Variants in NAA40 observed in about 807,000 individuals in gnomAD.
The protein encoded by NAA40 is N-alpha-acetyltransferase 40, NatD catalytic subunit, also known as N-alpha-acetyltransferase 40.
A neutral mutation model predicts 36.6 loss-of-function variants in NAA40; 26 were observed. The observed-to-expected ratio is 0.71, with a 90% CI of 0.52 to 0.98. The LOEUF (loss-of-function observed/expected upper bound fraction) is 0.98, where lower values mean the gene tolerates loss of function less well. Among genes scored for constraint, NAA40 ranks in the 50% least tolerant of loss-of-function variants. The pLI is 0.00. For synonymous variants in NAA40, 129 were observed against 108.4 expected (o/e 1.19, Z -1.18); for missense variants, 237 against 306.5 (o/e 0.77, Z 1.69).
intron 1 of NAA40, among the ~76,000 whole-genome samples, chr11:63,940,978 G>A (rs1808164897): frequency 6.6e-6 from 1 of 152,204 alleles, no homozygotes; most frequent in African/African-American, 2.4e-5. Flanking sequence ...CAGAAAACAA[G>A]AAGTGTAACA....
rs527295072 is a variant in NAA40 at position 63,946,904 on chromosome 11, C to T, written c.103-47C>T. ...ACAGCTCTTGGGATAGGATCTGCAC[C>T]TCCGCCCCACTTGTCTGTGCTGTTC... On this transcript the variant is annotated intron_variant, in intron 2 of 7. Transcript: ENST00000377793. 2.0e-5 allele frequency: 32 copies of T among 1,611,062 alleles called. No homozygotes were observed. The Admixed American group carries it at 3.7e-4, about 18-fold the overall frequency.
chr11:63,952,188 C>T, intron 3 of NAA40, 50 bp from the exon 4 acceptor site: 1 of 1,401,356 alleles, frequency 7.1e-7, no homozygotes, highest in South Asian at 1.3e-5. Flanking sequence ...CAGCAGTGCC[C>T]TGGCAGGAGT....
In NAA40 at chr11:63,952,424, G is replaced by T. The variant is rs1198457196; in HGVS notation, c.269G>T (p.Trp90Leu). 6.2e-7 allele frequency: 1 copy of T among 1,614,092 alleles called. No individual in the cohort carries two copies. The highest frequency in any genetic ancestry group is 1.7e-5 in the Admixed American group (1 of 60,008). ...NMQTMYEQSE[W>L]GWKDREKREE... ...TTCCCCAGGTATGAGCAGAGCGAGT[G>T]GGGCTGGAAGGACCGAGAGAAACGG... Residue 90 changes from tryptophan (W) to leucine (L), a missense_variant, in exon 5 of 8, where the codon TGG (tryptophan) becomes TTG (leucine). Transcript: ENST00000377793.
chr11:63,946,426 A>T, intron 2 of NAA40: 3 of 659,382 alleles, frequency 4.5e-6, no homozygotes, highest in Non-Finnish European at 6.0e-6. Flanking sequence ...GATGGTCTTG[A>T]ACTCCTGAGC....
intron 1 of NAA40, among the ~76,000 whole-genome samples, chr11:63,942,151 C>T (rs776105330): frequency 6.6e-6 from 1 of 152,106 alleles, no homozygotes; most frequent in Non-Finnish European, 1.5e-5. Flanking sequence ...CGGATCTACC[C>T]TCACCTCATG....
At chr11:63,941,361 G>T (rs1454522960) in intron 1 of NAA40, among the ~76,000 whole-genome samples, 1 of 152,166 alleles carries the variant, frequency 6.6e-6, no homozygotes, top group African/African-American at 2.4e-5. Flanking sequence ...TGCCACACAC[G>T]TGTCCTAGTT....
At chr11:63,943,563 C>T (rs1004635555) in intron 1 of NAA40, among the ~76,000 whole-genome samples, 1 of 152,196 alleles carries the variant, frequency 6.6e-6, no homozygotes, top group Admixed American at 6.5e-5. Flanking sequence ...AGTCTCCCCT[C>T]TGCCCTTTAT....
chr11:63,952,119 G>T (rs1311835689), intron 3 of NAA40, 119 bp from the exon 4 acceptor site: 4 of 732,866 alleles, frequency 5.5e-6, no homozygotes, highest in Non-Finnish European at 9.1e-6. Flanking sequence ...TACAGGGTTG[G>T]CTTTTCTCTG....
At chr11:63,945,757 A>T in intron 1 of NAA40, 83 bp from the exon 2 acceptor site, 1 of 1,181,758 alleles carries the variant, frequency 8.5e-7, no homozygotes, top group Non-Finnish European at 1.3e-6. Flanking sequence ...CTGTGGATGC[A>T]GGGCCCTTCG....
At position 63,957,223 on chromosome 11, in the gene NAA40, T is replaced by TTC. The variant is rs1942384262; in HGVS notation, c.*2744_*2745insTC. The TTC allele has an allele frequency of 1.2e-5, 1 of 80,364 alleles. No individual in the cohort carries two copies. Among genetic ancestry groups the TTC allele is most frequent in the African/African-American group, 2.9e-5 (1 of 34,270 alleles). 5.0% of individuals were successfully genotyped at this position (80,364 alleles called of 1,614,324 possible). A position where few individuals can be genotyped will look rare whatever the true frequency, so the allele number is the denominator to read the frequency against. On this transcript the variant is annotated 3_prime_UTR_variant, in exon 8 of 8. Coordinates refer to ENST00000377793, the MANE Select transcript of NAA40 (RefSeq NM_024771.4). ...ATATATATATATATATTTTTTTTTT[T>TTC]CTTTAGCAGCTTGTTATCACTGGAA... is the stretch of plus-strand genomic sequence containing the variant.
chr11:63,939,371 T>A (rs4980510), intron 1 of NAA40: 5 of 1,218,846 alleles, frequency 4.1e-6, no homozygotes, highest in Non-Finnish European at 5.1e-6. Flanking sequence ...GACCCGTTAC[T>A]GGCCTCCCCA....
chr11:63,939,675 T>TA (rs1942074800), intron 1 of NAA40: 1 of 166,844 alleles, frequency 6.0e-6, no homozygotes, highest in African/African-American at 2.4e-5. Flanking sequence ...CTGCTCCTGA[T>TA]AAACACAGCC....
chr11:63,939,048 C>T lies in NAA40; in HGVS notation c.-49C>T, dbSNP rs774851818. On this transcript the variant is annotated 5_prime_UTR_variant, in exon 1 of 8. Transcript: ENST00000377793. The stretch of plus-strand genomic sequence containing the variant: ...GTTGCAGCCACCGCCGTTGCCGCCT[C>T]CCTGCCGGCAAGTGTGTGAAGAAGA... The T allele has an allele frequency of 6.2e-7, 1 of 1,601,080 alleles. No individual in the cohort carries two copies. Among genetic ancestry groups the T allele is most frequent in the Non-Finnish European group, 8.5e-7 (1 of 1,174,366 alleles).
In NAA40 at chr11:63,952,579, C is replaced by G; in HGVS notation, c.410+14C>G. 6.2e-7 allele frequency: 1 copy of G among 1,612,296 alleles called. No individual in the cohort carries two copies. Among genetic ancestry groups the G allele is most frequent in the Non-Finnish European group, 8.5e-7 (1 of 1,178,432 alleles). ...AGTCCTGTACTGGTAGGAGCCATGG[C>G]TTGGGGGAGGTAGGGGAGAGAGACC... is the stretch of plus-strand genomic sequence containing the variant. On this transcript the variant is annotated intron_variant, in intron 5 of 7. Transcript: ENST00000377793.
At chr11:63,946,732 C>G (rs981730707) in intron 2 of NAA40, 1 of 1,525,482 alleles carries the variant, frequency 6.6e-7, no homozygotes, top group Non-Finnish European at 8.8e-7. Context: ...CAGGTGATGC[C>G]AAACTTAACT....
At chr11:63,939,313 C>T (rs1942068196) in intron 1 of NAA40, 9 of 1,261,100 alleles carry the variant, frequency 7.1e-6, no homozygotes, top group African/African-American at 1.6e-5. Context: ...TCCGGGGCCC[C>T]ACCCCCTCGG....
At chr11:63,939,381 AC>A (rs1942069706) in intron 1 of NAA40, 1 of 1,153,076 alleles carries the variant, frequency 8.7e-7, no homozygotes, top group Admixed American at 6.0e-5. Context: ...TGGCCTCCCC[AC>A]CACCGTCCCC....
At chr11:63,951,730 G>A (rs11231655) in intron 3 of NAA40, among the ~76,000 whole-genome samples, 41,798 of 151,916 alleles carry the variant, frequency 0.28, 7,383 homozygotes, top group Non-Finnish European at 0.39. Flanking sequence ...GTGTTGAGCC[G>A]TAGTCTTCTC....
intron 3 of NAA40, 85 bp downstream of exon 3, chr11:63,947,088 A>G (rs1942200446): frequency 1.1e-5 from 15 of 1,372,804 alleles, no homozygotes; most frequent in Non-Finnish European, 1.6e-5. Flanking sequence ...CTCAGACACA[A>G]ATTTTCTCAT....
Sources: allele counts gnomAD v4.1 joint callset (sites outside exome capture counted in the v4.1 genomes callset), GRCh38; gene constraint gnomAD v4.1.1; transcripts MANE v1.5; gene names NCBI Gene and HGNC (gene_info 2026-07-23, HGNC 2026-07-21).